IGF1R: variants seen among roughly 807,000 people sequenced by gnomAD.
IGF1R encodes the protein insulin-like growth factor 1 receptor.
IGF1R carries 44 observed loss-of-function variants against 144.6 expected under a neutral mutation model. That is an observed-to-expected ratio of 0.30 (90% CI 0.24 to 0.39). The LOEUF is 0.39. Ranked by LOEUF, IGF1R falls within the 10% of genes least tolerant of loss-of-function variation. IGF1R has a pLI of 1.00. For synonymous variants in IGF1R, 795 were observed against 722.8 expected, an observed-to-expected ratio of 1.10 and a Z score of -1.60; for missense variants, 1,355 against 1,833.7, an observed-to-expected ratio of 0.74 and a Z score of 4.77.
intron 2 of IGF1R, among the ~76,000 whole-genome samples, chr15:98,798,319 CGAG>C (rs1243062431): frequency 2.0e-5 from 3 of 151,518 alleles, no homozygotes; most frequent in Non-Finnish European, 2.9e-5. Context: ...AAGGGAAAGG[CGAG>C]GAGCTTGGAG....
intron 2 of IGF1R, among the ~76,000 whole-genome samples, chr15:98,865,491 G>C (rs1359831418): frequency 6.6e-6 from 1 of 152,138 alleles, no homozygotes; most frequent in Non-Finnish European, 1.5e-5. Flanking sequence ...ACTGCGCCCC[G>C]GCCACGCCCA....
intron 2 of IGF1R, among the ~76,000 whole-genome samples, chr15:98,787,701 T>A (rs559540508): frequency 6.6e-6 from 1 of 152,298 alleles, no homozygotes; most frequent in Admixed American, 6.5e-5. Flanking sequence ...TGAAGTGGGT[T>A]CCACATTGGA....
intron 2 of IGF1R, among the ~76,000 whole-genome samples, chr15:98,827,133 G>GC (rs139362369): frequency 0.38 from 57,322 of 151,946 alleles, 13,382 homozygotes; most frequent in East Asian, 0.49. Context: ...TCCTTCCCCT[G>GC]CCCCCCAACT....
intron 2 of IGF1R, among the ~76,000 whole-genome samples, chr15:98,747,290 G>C (rs187839886): frequency 6.6e-6 from 1 of 151,950 alleles, no homozygotes; most frequent in African/African-American, 2.4e-5. Flanking sequence ...TCCACCTCCC[G>C]GGTTCAAGTG....
chr15:98,856,766 C>A (rs2011842337), intron 2 of IGF1R, among the ~76,000 whole-genome samples: 1 of 152,200 alleles, frequency 6.6e-6, no homozygotes, highest in South Asian at 2.1e-4. Flanking sequence ...TTGTCCCAGG[C>A]AGGCACTGTG....
rs1004966751 is a variant in IGF1R, at chr15:98,961,541, T to G, written c.*4099T>G. On this transcript the variant is annotated 3_prime_UTR_variant, in exon 21 of 21. Transcript: ENST00000650285. Reference sequence around the variant, plus strand: ...TGATTTCTCTGCCTCTTGATTTTTCTCTGTGTGTTCCAAATAATCTTAAGC... The same window carrying G: ...TGATTTCTCTGCCTCTTGATTTTTCGCTGTGTGTTCCAAATAATCTTAAGC... The G allele has an allele frequency of 8.6e-6, 2 of 231,794 alleles. No homozygotes were observed. The highest frequency in any genetic ancestry group is 1.7e-5 in the Non-Finnish European group (2 of 118,078). The allele number at this position is 231,794 out of a possible 1,614,324, so 14.4% of individuals were successfully genotyped here.
At chr15:98,766,586 G>GTATT (rs2055442254) in intron 2 of IGF1R, among the ~76,000 whole-genome samples, 1 of 152,190 alleles carries the variant, frequency 6.6e-6, no homozygotes, top group Non-Finnish European at 1.5e-5. Flanking sequence ...ATTGGATAAT[G>GTATT]TATTTATTGA....
chr15:98,675,835 T>C (rs1465453297), intron 1 of IGF1R, among the ~76,000 whole-genome samples: 3 of 145,220 alleles, frequency 2.1e-5, no homozygotes, highest in African/African-American at 7.7e-5. Context: ...TCTTTTTTTT[T>C]TTTTTTTTTT....
intron 18 of IGF1R, among the ~76,000 whole-genome samples, chr15:98,940,992 C>G (rs940096300): frequency 1.3e-5 from 2 of 152,192 alleles, no homozygotes; most frequent in African/African-American, 4.8e-5. Flanking sequence ...CTTGGTGCAC[C>G]CAGCTCATTT....
rs45537835 is a variant in IGF1R, at chr15:98,681,498, A to G, written c.95-26064A>G. On this transcript the variant is annotated intron_variant, in intron 1 of 20. Transcript: ENST00000650285. ...AGGAGTAGTTCAAGGATAAACCTCT[A>G]AGTTTGGGGAGTGCTGTAATTTGCT... Among the ~76,000 whole-genome samples the G allele has an allele frequency of 5.0e-3, 764 of 152,248 alleles. 25 individuals carry two copies. The highest frequency in any genetic ancestry group is 0.042 in the Admixed American group (647 of 15,290).
intron 13 of IGF1R, among the ~76,000 whole-genome samples, chr15:98,925,551 A>G (rs1237308339): frequency 6.6e-6 from 1 of 152,232 alleles, no homozygotes; most frequent in African/African-American, 2.4e-5. Context: ...TTTTGGGTCT[A>G]GTGGGCTGAT....
intron 2 of IGF1R, among the ~76,000 whole-genome samples, chr15:98,731,096 T>C (rs1209969835): frequency 6.6e-6 from 1 of 152,198 alleles, no homozygotes; most frequent in Non-Finnish European, 1.5e-5. Flanking sequence ...CCCTATGAGA[T>C]CCAAACTGTT....
intron 15 of IGF1R, among the ~76,000 whole-genome samples, chr15:98,932,619 T>G (rs1596466101): frequency 6.6e-6 from 1 of 152,334 alleles, no homozygotes; most frequent in East Asian, 1.9e-4. Flanking sequence ...GCCTGGATTC[T>G]CAGAGATAAA....
In IGF1R at chr15:98,802,605, G is replaced by A. The variant is rs370046284; in HGVS notation, c.641-88720G>A. On this transcript the variant is annotated intron_variant, in intron 2 of 20. Coordinates refer to ENST00000650285, the MANE Select transcript of IGF1R (RefSeq NM_000875.5). ...AAAGACAGGGGTTGCTTGTATGCAC[G>A]AATTCACATCTGAAGAATGCATCTG... 4.5e-4 allele frequency among the ~76,000 whole-genome samples: 69 copies of A among 152,336 alleles called. 1 individual carries two copies. The South Asian group carries it at 8.1e-3, about 18-fold the overall frequency.
chr15:98,954,484 T>G (rs973547295), intron 20 of IGF1R: 5 of 152,184 alleles, frequency 3.3e-5, no homozygotes, highest in Non-Finnish European at 7.3e-5. Flanking sequence ...TTTTTGTGTG[T>G]GTGGAAATAG....
chr15:98,747,044 T>C (rs1284932414), intron 2 of IGF1R, among the ~76,000 whole-genome samples: 1 of 152,226 alleles, frequency 6.6e-6, no homozygotes, highest in Non-Finnish European at 1.5e-5. Flanking sequence ...CTATCAGTTA[T>C]TTAACTCTCT....
At chr15:98,875,789 G>A (rs1289798705) in intron 2 of IGF1R, among the ~76,000 whole-genome samples, 3 of 152,188 alleles carry the variant, frequency 2.0e-5, no homozygotes, top group Admixed American at 6.5e-5. Flanking sequence ...GAGAGGAGAA[G>A]CCCACTGGAT....
chr15:98,958,046 T>C lies in IGF1R; in HGVS notation c.*604T>C, dbSNP rs147189739. 3 of 234,220 alleles carry C rather than the reference T, an allele frequency of 1.3e-5. No homozygotes were observed. The highest frequency in any genetic ancestry group is 5.6e-5 in the Admixed American group (1 of 17,902). The allele number at this position is 234,220 out of a possible 1,614,324, so 14.5% of individuals were successfully genotyped here. A position where few individuals can be genotyped will look rare whatever the true frequency, so the allele number is the denominator to read the frequency against. Reference sequence around the variant, plus strand: ...CCTAATTTTGCCAAAATCCTGAACTTTCTCCCTCATCGGCCCGGCGCTGAT... The same window carrying C: ...CCTAATTTTGCCAAAATCCTGAACTCTCTCCCTCATCGGCCCGGCGCTGAT... On this transcript the variant is annotated 3_prime_UTR_variant, in exon 21 of 21. Coordinates refer to ENST00000650285, the MANE Select transcript of IGF1R (RefSeq NM_000875.5).
chr15:98,787,845 C>T (rs373596182), intron 2 of IGF1R, among the ~76,000 whole-genome samples: 22 of 152,124 alleles, frequency 1.4e-4, no homozygotes, highest in African/African-American at 5.1e-4. Context: ...TTGAATCAGT[C>T]GTATATGTTT....
Sources: gnomAD v4.1 joint callset for allele counts (sites outside exome capture counted in the v4.1 genomes callset) on GRCh38, gnomAD v4.1.1 for gene constraint, MANE v1.5 for transcripts, NCBI Gene and HGNC (gene_info 2026-07-23, HGNC 2026-07-21) for gene names.